Variants in AGBL4 observed in about 807,000 individuals in gnomAD.
The protein encoded by AGBL4 is AGBL carboxypeptidase 4.
A neutral mutation model predicts 66.4 loss-of-function variants in AGBL4; 58 were observed. That is an observed-to-expected ratio of 0.87 (90% confidence interval 0.71 to 1.09). The LOEUF (loss-of-function observed/expected upper bound fraction) is 1.09, where lower values mean the gene tolerates loss of function less well. Ranked by LOEUF, AGBL4 falls within the 50% of genes least tolerant of loss-of-function variation. The pLI is 0.00. For missense variants in AGBL4, 579 were observed against 631.0 expected (o/e 0.92, Z 0.88); for synonymous variants, 234 against 222.9 (o/e 1.05, Z -0.44).
At chr1:49,456,333 G>C (rs1057438733) in intron 3 of AGBL4, among the ~76,000 whole-genome samples, 1 of 151,784 alleles carries the variant, frequency 6.6e-6, no homozygotes, top group South Asian at 2.1e-4. Context: ...CATTTGATCA[G>C]GATTTTAGAC....
chr1:49,946,260 C>A (rs1266673584), intron 1 of AGBL4, among the ~76,000 whole-genome samples: 1 of 151,954 alleles, frequency 6.6e-6, no homozygotes, highest in Non-Finnish European at 1.5e-5. Flanking sequence ...AATATAGATT[C>A]TATTCATCAT....
In AGBL4 at chr1:48,762,539, C is replaced by T. The variant is rs191879917; in HGVS notation, c.635-99298G>A. Among the ~76,000 whole-genome samples the T allele has an allele frequency of 3.4e-3, 513 of 151,264 alleles. 3 individuals are homozygous for T. Among genetic ancestry groups the T allele is most frequent in the Middle Eastern group, 0.01 (3 of 288 alleles). ...GGTTCCCACTGGTGTATCCCAAATG[C>T]GTTTTGTAGCATGTTGCCCAATGTT... is the stretch of plus-strand genomic sequence containing the variant. On this transcript the variant is annotated intron_variant, in intron 6 of 13. Transcript: ENST00000371839.
intron 4 of AGBL4, among the ~76,000 whole-genome samples, chr1:49,200,045 C>A (rs1047158621): frequency 6.6e-6 from 1 of 152,108 alleles, no homozygotes; most frequent in Non-Finnish European, 1.5e-5. Flanking sequence ...CATGGGGAGA[C>A]ATGGTCATTT....
rs1570386948 is a variant in AGBL4 at position 48,730,586 on chromosome 1, C to T, written c.635-67345G>A. Among the ~76,000 whole-genome samples the T allele has an allele frequency of 2.0e-5, 3 of 152,186 alleles. 1 individual carries two copies. The highest frequency in any genetic ancestry group is 2.0e-4 in the Admixed American group (3 of 15,290). The stretch of plus-strand genomic sequence containing the variant: ...GGGAAGTGGTAGAAGGAGAAAGGTG[C>T]AAATGGAGGAAGGTTTTTGGAGGAG... On this transcript the variant is annotated intron_variant, in intron 6 of 13. Coordinates refer to ENST00000371839, the MANE Select transcript of AGBL4 (RefSeq NM_032785.4).
chr1:49,508,034 C>T (rs983337682), intron 3 of AGBL4, among the ~76,000 whole-genome samples: 3 of 151,810 alleles, frequency 2.0e-5, no homozygotes, highest in African/African-American at 4.8e-5. Context: ...ACTGGGGATA[C>T]AATGGTAAGC....
chr1:49,970,129 C>T (rs989730470), intron 1 of AGBL4, among the ~76,000 whole-genome samples: 1 of 152,110 alleles, frequency 6.6e-6, no homozygotes, highest in Admixed American at 6.5e-5. Flanking sequence ...AAATGTAAGA[C>T]CTGAAACCAT....
chr1:48,942,170 A>G (rs1333487065), intron 5 of AGBL4, among the ~76,000 whole-genome samples: 1 of 152,226 alleles, frequency 6.6e-6, no homozygotes, highest in Non-Finnish European at 1.5e-5. Context: ...CCTTGCCCAG[A>G]GAAAAGCAGG....
chr1:49,822,516 G>A (rs906331507), intron 2 of AGBL4, among the ~76,000 whole-genome samples: 1 of 152,072 alleles, frequency 6.6e-6, no homozygotes, highest in African/African-American at 2.4e-5. Context: ...TAGAGATGGG[G>A]TTTTGCTATG....
At chr1:49,926,015 C>T (rs1370220859) in intron 1 of AGBL4, among the ~76,000 whole-genome samples, 8 of 152,180 alleles carry the variant, frequency 5.3e-5, no homozygotes, top group Non-Finnish European at 4.4e-5. Flanking sequence ...GTACAGCCCC[C>T]AGGCCTTGAG....
intron 3 of AGBL4, among the ~76,000 whole-genome samples, chr1:49,472,793 T>C (rs971553439): frequency 6.6e-6 from 1 of 151,974 alleles, no homozygotes; most frequent in African/African-American, 2.4e-5. Context: ...ACCCAGTAGG[T>C]AGTTTTTCAG....
chr1:49,848,377 T>C (rs1399048035), intron 2 of AGBL4, among the ~76,000 whole-genome samples: 1 of 152,208 alleles, frequency 6.6e-6, no homozygotes, highest in Non-Finnish European at 1.5e-5. Context: ...CTCCAATGTT[T>C]ATTACAATAC....
At chr1:49,390,284 C>G (rs933150554) in intron 3 of AGBL4, among the ~76,000 whole-genome samples, 11 of 152,194 alleles carry the variant, frequency 7.2e-5, no homozygotes, top group Non-Finnish European at 1.2e-4. Context: ...CTTTAAAAAT[C>G]ATCTTTAGGT....
intron 4 of AGBL4, among the ~76,000 whole-genome samples, chr1:49,194,337 C>T (rs952936279): frequency 1.3e-5 from 2 of 151,932 alleles, no homozygotes; most frequent in African/African-American, 4.8e-5. Context: ...AGAGCTTCTC[C>T]TGCTCATTTT....
intron 3 of AGBL4, among the ~76,000 whole-genome samples, chr1:49,512,275 C>A (rs966108439): frequency 8.6e-5 from 13 of 151,988 alleles, no homozygotes; most frequent in African/African-American, 3.1e-4. Flanking sequence ...TTAAATCCTA[C>A]CTGCAATATT....
In AGBL4 at chr1:49,889,744, G is replaced by A. The variant is rs979765717; in HGVS notation, c.35-38226C>T. Among the ~76,000 whole-genome samples the A allele has an allele frequency of 4.6e-5, 7 of 151,796 alleles. No individual in the cohort carries two copies. In the South Asian group the frequency reaches 8.3e-4, roughly 18 times the overall value. ...TGCACTCCAGCCTAGGTGACACAGT[G>A]AGGCTCCATCTCAAAAAAAAAAAGA... is the stretch of plus-strand genomic sequence containing the variant. On this transcript the variant is annotated intron_variant, in intron 1 of 13. Transcript: ENST00000371839.
At chr1:49,324,822 C>CTATA (rs375702012) in intron 3 of AGBL4, among the ~76,000 whole-genome samples, 1 of 152,016 alleles carries the variant, frequency 6.6e-6, no homozygotes, top group African/African-American at 2.4e-5. Flanking sequence ...GCCTTAGTAT[C>CTATA]TATATATATA....
chr1:48,919,561 T>G (rs1653907335), intron 5 of AGBL4, among the ~76,000 whole-genome samples: 1 of 152,074 alleles, frequency 6.6e-6, no homozygotes, highest in Admixed American at 6.5e-5. Flanking sequence ...AATGCACAGG[T>G]CAAAGAAAGA....
intron 3 of AGBL4, among the ~76,000 whole-genome samples, chr1:49,546,466 A>G (rs544421319): frequency 1.3e-5 from 2 of 152,146 alleles, no homozygotes. Flanking sequence ...TTTTGTTGTT[A>G]TGAACATGCG....
intron 6 of AGBL4, among the ~76,000 whole-genome samples, chr1:48,706,727 TTAAA>T (rs1401150972): frequency 1.1e-4 from 16 of 152,212 alleles, no homozygotes; most frequent in Non-Finnish European, 4.4e-5. Flanking sequence ...TAAATTTTTG[TTAAA>T]TAAATGAATG....
Sources: gnomAD v4.1 joint callset for allele counts (sites outside exome capture counted in the v4.1 genomes callset) on GRCh38, gnomAD v4.1.1 for gene constraint, MANE v1.5 for transcripts, NCBI Gene and HGNC (gene_info 2026-07-23, HGNC 2026-07-21) for gene names.